Variants in CDH13 observed in about 807,000 individuals in gnomAD.
CDH13 encodes the protein cadherin 13, also known as cadherin-13.
In CDH13, 24 loss-of-function variants were observed where a neutral mutation model predicts 63.8. That is an observed-to-expected ratio of 0.38 (90% CI 0.27 to 0.53). CDH13 has a LOEUF of 0.53. Among genes scored for constraint, CDH13 ranks in the 20% least tolerant of loss-of-function variants. The pLI, the probability that CDH13 is intolerant of heterozygous loss-of-function variation, is 0.85. For missense variants in CDH13, 1,049 were observed against 903.1 expected (o/e 1.16, Z -2.07); for synonymous variants, 503 against 355.3 (o/e 1.42, Z -4.67).
chr16:83,143,829 C>G lies in CDH13; in HGVS notation c.483+18328C>G, dbSNP rs114820643. 3.6e-3 allele frequency among the ~76,000 whole-genome samples: 545 copies of G among 152,134 alleles called. 6 individuals are homozygous for G. Among genetic ancestry groups the G allele is most frequent in the African/African-American group, 0.011 (476 of 41,498 alleles). The stretch of plus-strand genomic sequence containing the variant: ...CTACTCCTCTTTGCCGTTCCTCTGC[C>G]TGACTCTATTAAGATAAACTAATCC... On this transcript the variant is annotated intron_variant, in intron 4 of 13. Coordinates refer to ENST00000567109, the MANE Select transcript of CDH13 (RefSeq NM_001257.5).
At chr16:83,124,625 G>A (rs2035731632) in intron 3 of CDH13, among the ~76,000 whole-genome samples, 1 of 151,156 alleles carries the variant, frequency 6.6e-6, no homozygotes, top group Non-Finnish European at 1.5e-5. Context: ...GTTTCTTCTA[G>A]AATTTTTATA....
chr16:82,952,714 C>G (rs1175502531), intron 2 of CDH13, among the ~76,000 whole-genome samples: 1 of 152,172 alleles, frequency 6.6e-6, no homozygotes, highest in African/African-American at 2.4e-5. Flanking sequence ...TCCTGGTGGG[C>G]CAACTGCAGC....
chr16:83,799,085 G>A lies in CDH13; in HGVS notation c.*4055G>A, dbSNP rs1351080933. 1 of 152,054 alleles carries A rather than the reference G, an allele frequency of 6.6e-6. No individual in the cohort carries two copies. The highest frequency in any genetic ancestry group is 1.5e-5 in the Non-Finnish European group (1 of 68,004). 9.4% of individuals were successfully genotyped at this position (152,054 alleles called of 1,614,324 possible). A position where few individuals can be genotyped will look rare whatever the true frequency, so the allele number is the denominator to read the frequency against. On this transcript the variant is annotated 3_prime_UTR_variant, in exon 14 of 14. Transcript: ENST00000567109. ...CCAGCCCTTTGGGAGGCAGAGGCGG[G>A]TGGATCACTTAAGGTCAGGAGTTCA... is the stretch of plus-strand genomic sequence containing the variant.
At chr16:83,460,556 A>G (rs1331012099) in intron 6 of CDH13, among the ~76,000 whole-genome samples, 1 of 152,206 alleles carries the variant, frequency 6.6e-6, no homozygotes, top group Non-Finnish European at 1.5e-5. Flanking sequence ...TCTCCAGGAC[A>G]TGCATATGTG....
At chr16:83,438,515 T>C (rs144342327) in intron 6 of CDH13, among the ~76,000 whole-genome samples, 21 of 152,380 alleles carry the variant, frequency 1.4e-4, no homozygotes, top group African/African-American at 4.3e-4. Context: ...GTTTATTCAT[T>C]GACCAACTCC....
intron 7 of CDH13, among the ~76,000 whole-genome samples, chr16:83,533,351 G>A (rs889397900): frequency 1.3e-5 from 2 of 152,168 alleles, no homozygotes; most frequent in African/African-American, 4.8e-5. Context: ...GCCCAGAGGT[G>A]AGTCATTTTT....
chr16:83,283,793 A>G (rs953793123), intron 5 of CDH13, among the ~76,000 whole-genome samples: 1 of 152,140 alleles, frequency 6.6e-6, no homozygotes, highest in African/African-American at 2.4e-5. Context: ...CAGCATTTAC[A>G]TCCTTTGGTC....
intron 7 of CDH13, among the ~76,000 whole-genome samples, chr16:83,534,591 A>G (rs1437658914): frequency 6.6e-6 from 1 of 152,162 alleles, no homozygotes; most frequent in African/African-American, 2.4e-5. Flanking sequence ...GGCCCCTGTC[A>G]CTTAGCACAA....
At chr16:82,937,491 CAG>C (rs1410606730) in intron 2 of CDH13, among the ~76,000 whole-genome samples, 8 of 152,194 alleles carry the variant, frequency 5.3e-5, no homozygotes, top group East Asian at 1.9e-4. Flanking sequence ...TCCGTGAGAA[CAG>C]AGTCAGCATT....
intron 2 of CDH13, among the ~76,000 whole-genome samples, chr16:82,996,356 A>G (rs1912203693): frequency 6.6e-6 from 1 of 152,174 alleles, no homozygotes; most frequent in South Asian, 2.1e-4. Context: ...GAGCTTTATG[A>G]CTACAGAAAT....
intron 2 of CDH13, among the ~76,000 whole-genome samples, chr16:82,947,498 G>C (rs995903351): frequency 6.6e-6 from 1 of 151,796 alleles, no homozygotes; most frequent in Admixed American, 6.6e-5. Flanking sequence ...TTGATGTTTC[G>C]GTTTTTCCAT....
intron 1 of CDH13, among the ~76,000 whole-genome samples, chr16:82,740,862 G>A (rs1001868202): frequency 6.6e-6 from 1 of 152,156 alleles, no homozygotes; most frequent in Non-Finnish European, 1.5e-5. Context: ...TCCATATGGG[G>A]AGTAGTGAAA....
At chr16:83,092,713 A>T (rs1037960845) in intron 3 of CDH13, among the ~76,000 whole-genome samples, 4 of 152,198 alleles carry the variant, frequency 2.6e-5, no homozygotes, top group African/African-American at 9.7e-5. Flanking sequence ...AAATTCAGGT[A>T]CATCCAGGTT....
chr16:83,529,633 TA>T (rs2075038973), intron 7 of CDH13, among the ~76,000 whole-genome samples: 1 of 152,140 alleles, frequency 6.6e-6, no homozygotes, highest in Admixed American at 6.5e-5. Flanking sequence ...GTAAGGATAG[TA>T]AAAGACATGG....
At position 83,799,934 on chromosome 16, in the gene CDH13, C is replaced by T. The variant is rs1206821417; in HGVS notation, c.*4904C>T. ...TGTGTATGAGGGTTTCAGATAAGAA[C>T]TTCAATTATATAATTTAAGAAGAGT... On this transcript the variant is annotated 3_prime_UTR_variant, in exon 14 of 14. Transcript: ENST00000567109. 7.1e-6 allele frequency: 1 copy of T among 141,274 alleles called. No individual in the cohort carries two copies. Among genetic ancestry groups the T allele is most frequent in the Admixed American group, 7.2e-5 (1 of 13,968 alleles). The allele number at this position is 141,274 out of a possible 1,614,324, so 8.8% of individuals were successfully genotyped here.
intron 6 of CDH13, among the ~76,000 whole-genome samples, chr16:83,468,983 A>G (rs2073388770): frequency 6.6e-6 from 1 of 152,106 alleles, no homozygotes; most frequent in Non-Finnish European, 1.5e-5. Context: ...TGCTAAAGCG[A>G]GTTGTATAGG....
At chr16:82,771,250 A>T (rs986664708) in intron 1 of CDH13, among the ~76,000 whole-genome samples, 13 of 152,194 alleles carry the variant, frequency 8.5e-5, no homozygotes, top group African/African-American at 3.1e-4. Context: ...TTACAATGAT[A>T]AATAATACTT....
chr16:82,994,109 G>A (rs927286736), intron 2 of CDH13, among the ~76,000 whole-genome samples: 2 of 152,268 alleles, frequency 1.3e-5, no homozygotes, highest in Admixed American at 1.3e-4. Context: ...CCATCTGTTT[G>A]TGGGGAGGGA....
At chr16:83,262,641 T>A (rs140492700) in intron 5 of CDH13, among the ~76,000 whole-genome samples, 313 of 152,218 alleles carry the variant, frequency 2.1e-3, no homozygotes, top group Non-Finnish European at 2.9e-3. Flanking sequence ...AAAAGAAATC[T>A]GAAGCAGGAA....
Sources: gnomAD v4.1 joint callset for allele counts (sites outside exome capture counted in the v4.1 genomes callset) on GRCh38, gnomAD v4.1.1 for gene constraint, MANE v1.5 for transcripts, NCBI Gene and HGNC (gene_info 2026-07-23, HGNC 2026-07-21) for gene names.